LAMA2: variants seen among roughly 807,000 people sequenced by gnomAD.
LAMA2 encodes the protein laminin subunit alpha-2.
Under a neutral mutation model 364.8 loss-of-function variants are expected in LAMA2, and 269 were observed. The observed-to-expected ratio is 0.74, with a 90% CI of 0.67 to 0.82. The LOEUF (loss-of-function observed/expected upper bound fraction) is 0.82. Ranked by LOEUF, LAMA2 falls within the 40% of genes least tolerant of loss-of-function variation. The pLI is 0.00. For synonymous variants in LAMA2, 1,379 were observed against 1,370.6 expected (o/e 1.01, Z -0.14); for missense variants, 3,807 against 3,873.2 (o/e 0.98, Z 0.45).
chr6:128,956,699 A>G (rs1781169216), intron 1 of LAMA2, among the ~76,000 whole-genome samples: 1 of 152,062 alleles, frequency 6.6e-6, no homozygotes, highest in Admixed American at 6.6e-5. Context: ...CTGTCAAGAC[A>G]CTGCAGTCTG....
Position 129,263,358 on chromosome 6 carries a change from A to G in LAMA2, c.2208+2536A>G, listed in dbSNP as rs370239469. Among the ~76,000 whole-genome samples, 7 of 152,180 alleles carry G rather than the reference A, an allele frequency of 4.6e-5. No individual in the cohort carries two copies. The East Asian group carries it at 1.4e-3, about 29-fold the overall frequency. ...GAAGGAAATAAACAGGGTGAAATAA[A>G]CAGGGTTCTATGATAAAGTTACTGC... On this transcript the variant is annotated intron_variant, in intron 15 of 64. Transcript: ENST00000421865.
At chr6:129,259,838 C>A (rs1235262927) in intron 14 of LAMA2, among the ~76,000 whole-genome samples, 1 of 152,008 alleles carries the variant, frequency 6.6e-6, no homozygotes, top group Non-Finnish European at 1.5e-5. Flanking sequence ...TGGTAAATAT[C>A]AGAGACAGGA....
rs144053918 is a variant in LAMA2 at position 129,147,041 on chromosome 6, C to T, written c.902C>T (p.Ala301Val). Residue 301 changes from alanine to valine, a missense_variant, in exon 6 of 65, where the codon GCG (alanine) becomes GTG (valine). Ala to Val is a moderately conservative substitution (Grantham distance 64, BLOSUM62 0). Transcript: ENST00000421865. Reference sequence around the variant, plus strand: ...GCCAGGGCTTGTCCACTTGATCCAGCGACAAATGTATGTATATTTATAGGA... The same window carrying T: ...GCCAGGGCTTGTCCACTTGATCCAGTGACAAATGTATGTATATTTATAGGA... The part of the protein sequence containing the change: ...GHARACPLDP[A>V]TNKSRCECEH... 346 of 1,596,756 alleles carry T rather than the reference C, an allele frequency of 2.2e-4. No homozygotes were observed. Among genetic ancestry groups the T allele is most frequent in the Admixed American group, 3.7e-4 (22 of 59,892 alleles).
chr6:129,218,313 G>A (rs1583274090), intron 12 of LAMA2, among the ~76,000 whole-genome samples: 3 of 152,060 alleles, frequency 2.0e-5, no homozygotes, highest in African/African-American at 7.2e-5. Flanking sequence ...GACCCTCCCT[G>A]TACATGTTGC....
intron 31 of LAMA2, 32 bp from the exon 32 acceptor site, chr6:129,353,132 A>G (rs973961058): frequency 5.7e-6 from 9 of 1,569,834 alleles, no homozygotes; most frequent in Non-Finnish European, 7.9e-6. Flanking sequence ...CTTGCTATTA[A>G]CCTCTTTTGC....
chr6:129,481,452 C>G lies in LAMA2; in HGVS notation c.7749+13C>G. 1 of 1,606,598 alleles carries G rather than the reference C, an allele frequency of 6.2e-7. No individual in the cohort carries two copies. Among genetic ancestry groups the G allele is most frequent in the Non-Finnish European group, 8.5e-7 (1 of 1,173,186 alleles). The stretch of plus-strand genomic sequence containing the variant: ...GCAGACTGGACAGGTACCCTCACAC[C>G]TAGCTGATAATGCATTTTCCCTAAT... On this transcript the variant is annotated intron_variant, in intron 55 of 64. Transcript: ENST00000421865.
At chr6:129,331,577 C>T (rs1159730552) in intron 29 of LAMA2, among the ~76,000 whole-genome samples, 1 of 151,972 alleles carries the variant, frequency 6.6e-6, no homozygotes, top group African/African-American at 2.4e-5. Context: ...CACATCTTCC[C>T]CCTATGTTCT....
intron 20 of LAMA2, chr6:129,293,071 T>A: frequency 6.1e-6 from 6 of 985,918 alleles, no homozygotes; most frequent in Non-Finnish European, 7.2e-6. Context: ...GCTCCGGTAA[T>A]CCCAGAGGCG....
At chr6:129,075,402 G>A (rs1773569520) in intron 3 of LAMA2, among the ~76,000 whole-genome samples, 1 of 152,140 alleles carries the variant, frequency 6.6e-6, no homozygotes, top group African/African-American at 2.4e-5. Flanking sequence ...TGAATTCTGG[G>A]TATAATGAGA....
At chr6:129,135,755 C>T (rs927572060) in intron 4 of LAMA2, among the ~76,000 whole-genome samples, 3 of 152,142 alleles carry the variant, frequency 2.0e-5, no homozygotes, top group Admixed American at 6.5e-5. Flanking sequence ...TCTTTCCTAG[C>T]TGTGTATTCC....
chr6:129,061,033 A>G (rs1372933466), intron 3 of LAMA2, among the ~76,000 whole-genome samples: 5 of 152,200 alleles, frequency 3.3e-5, no homozygotes, highest in African/African-American at 1.2e-4. Flanking sequence ...TTTCTCAGGA[A>G]GTCTCAGAGC....
chr6:129,449,143 A>C (rs541401768), intron 45 of LAMA2, among the ~76,000 whole-genome samples: 2 of 152,330 alleles, frequency 1.3e-5, no homozygotes, highest in African/African-American at 4.8e-5. Flanking sequence ...TATATTCAAA[A>C]CCAGAAAACA....
intron 12 of LAMA2, among the ~76,000 whole-genome samples, chr6:129,215,158 T>G (rs1455563124): frequency 6.6e-6 from 1 of 152,210 alleles, no homozygotes; most frequent in Non-Finnish European, 1.5e-5. Context: ...AAATTGGCTT[T>G]GTTGCTCTGC....
At chr6:129,281,298 T>A (rs759152164) in intron 18 of LAMA2, among the ~76,000 whole-genome samples, 14 of 152,074 alleles carry the variant, frequency 9.2e-5, no homozygotes, top group Non-Finnish European at 1.6e-4. Context: ...CAAGACAGAT[T>A]TACATCAAGT....
intron 20 of LAMA2, chr6:129,292,941 G>A (rs996150500): frequency 1.0e-6 from 1 of 985,880 alleles, no homozygotes; most frequent in Non-Finnish European, 1.2e-6. Flanking sequence ...GTGCAACCTC[G>A]GCAGGCAGGT....
chr6:129,005,812 T>A (rs1784414991), intron 1 of LAMA2, among the ~76,000 whole-genome samples: 1 of 151,144 alleles, frequency 6.6e-6, no homozygotes, highest in Non-Finnish European at 1.5e-5. Flanking sequence ...TATATATGGA[T>A]TATATCTACA....
intron 34 of LAMA2, among the ~76,000 whole-genome samples, chr6:129,371,844 T>C (rs1347828745): frequency 1.3e-5 from 2 of 152,076 alleles, no homozygotes; most frequent in Non-Finnish European, 2.9e-5. Context: ...CCTGACCTTG[T>C]GATTCGCCTG....
intron 16 of LAMA2, among the ~76,000 whole-genome samples, chr6:129,270,266 TACACACACACACACAC>T (rs10522614): frequency 0.012 from 1,718 of 142,516 alleles, 15 homozygotes; most frequent in South Asian, 0.03. Flanking sequence ...GCTCTATGAC[TACACACACACACACAC>T]ACACACACAC....
chr6:129,195,808 G>A (rs970583407), intron 12 of LAMA2, among the ~76,000 whole-genome samples: 1 of 152,192 alleles, frequency 6.6e-6, no homozygotes, highest in Non-Finnish European at 1.5e-5. Flanking sequence ...TTTGCTGCAG[G>A]CTACAGCTAT....
Sources: allele counts gnomAD v4.1 joint callset (sites outside exome capture counted in the v4.1 genomes callset), GRCh38; gene constraint gnomAD v4.1.1; transcripts MANE v1.5; gene names NCBI Gene and HGNC (gene_info 2026-07-23, HGNC 2026-07-21).